STIM1: variants seen among roughly 807,000 people sequenced by gnomAD.
The protein encoded by STIM1 is stromal interaction molecule 1.
Under a neutral mutation model 74.7 loss-of-function variants are expected in STIM1, and 25 were observed. The observed-to-expected ratio is 0.33, with a 90% CI of 0.24 to 0.47. The LOEUF is 0.47. Ranked by LOEUF, STIM1 falls within the 20% of genes least tolerant of loss-of-function variation. The pLI, the probability that STIM1 is intolerant of heterozygous loss-of-function variation, is 1.00. For missense variants in STIM1, 728 were observed against 920.8 expected (o/e 0.79, Z 2.71); for synonymous variants, 328 against 348.8 (o/e 0.94, Z 0.66).
At chr11:3,920,569 C>T (rs117714204) in intron 1 of STIM1, among the ~76,000 whole-genome samples, 1,738 of 152,242 alleles carry the variant, frequency 0.011, 15 homozygotes, top group Middle Eastern at 0.02. Context: ...GTCATTTTCT[C>T]TGTCCCCAAG....
chr11:4,014,784 G>T (rs1453414485), intron 2 of STIM1, among the ~76,000 whole-genome samples: 1 of 152,170 alleles, frequency 6.6e-6, no homozygotes, highest in Admixed American at 6.5e-5. Context: ...TTGTTGAATT[G>T]ATCCCTTTAC....
chr11:3,932,074 A>C (rs1033183640), intron 1 of STIM1, among the ~76,000 whole-genome samples: 9 of 152,078 alleles, frequency 5.9e-5, no homozygotes, highest in Non-Finnish European at 8.8e-5. Context: ...GCCTGCTGCG[A>C]CTGGACTGTA....
In STIM1 at chr11:3,895,736, TTTTCTTTCTTCC is replaced by T; in HGVS notation, c.139+39330_139+39341del. ...TTTCTTTCTTTCTTTCTTTCTTTCT[TTTTCTTTCTTCC>T]TTCCTTCCTTCCTTCCTTCCTTCCT... is the stretch of plus-strand genomic sequence containing the variant. On this transcript the variant is annotated intron_variant, in intron 1 of 12. Transcript: ENST00000526596. 6.3e-5 allele frequency among the ~76,000 whole-genome samples: 2 copies of T among 31,990 alleles called. 1 individual carries two copies. The highest frequency in any genetic ancestry group is 2.4e-3 in the South Asian group (2 of 844). 21.0% of individuals were successfully genotyped at this position (31,990 alleles called of 152,430 possible).
At chr11:3,907,934 T>G (rs11030224) in intron 1 of STIM1, among the ~76,000 whole-genome samples, 67,246 of 152,056 alleles carry the variant, frequency 0.44, 15,172 homozygotes, top group Non-Finnish European at 0.49. Flanking sequence ...TTGGTCAAAT[T>G]TCAACTCAGT....
chr11:3,992,193 G>A (rs1198038767), intron 2 of STIM1, among the ~76,000 whole-genome samples: 3 of 145,638 alleles, frequency 2.1e-5, no homozygotes, highest in Non-Finnish European at 4.5e-5. Flanking sequence ...TGGATTGCCT[G>A]AAGCCAGGAG....
At chr11:4,066,331 T>C (rs570906860) in intron 5 of STIM1, among the ~76,000 whole-genome samples, 1 of 152,208 alleles carries the variant, frequency 6.6e-6, no homozygotes, top group Non-Finnish European at 1.5e-5. Context: ...ATGCTCTTTT[T>C]GTCTCCAGGA....
chr11:4,022,904 G>C (rs1243887133), intron 2 of STIM1, among the ~76,000 whole-genome samples: 1 of 152,208 alleles, frequency 6.6e-6, no homozygotes, highest in Admixed American at 6.5e-5. Flanking sequence ...CCTAGACTTG[G>C]GTGTCGTGCA....
At chr11:4,051,703 G>A (rs1427805337) in intron 3 of STIM1, among the ~76,000 whole-genome samples, 1 of 152,046 alleles carries the variant, frequency 6.6e-6, no homozygotes, top group African/African-American at 2.4e-5. Flanking sequence ...CTAGAGTGCA[G>A]TGGCGTGATC....
chr11:4,078,884 C>G (rs1348701540), intron 7 of STIM1, among the ~76,000 whole-genome samples: 10 of 151,870 alleles, frequency 6.6e-5, no homozygotes, highest in African/African-American at 2.4e-4. Flanking sequence ...ACCCTTTACT[C>G]TTAAAAACTA....
At chr11:4,016,028 T>C (rs1027279672) in intron 2 of STIM1, among the ~76,000 whole-genome samples, 2 of 152,196 alleles carry the variant, frequency 1.3e-5, no homozygotes, top group African/African-American at 2.4e-5. Context: ...TTACCGACCT[T>C]CTGAAGCCTA....
intron 1 of STIM1, among the ~76,000 whole-genome samples, chr11:3,921,490 C>T (rs781528262): frequency 2.4e-4 from 37 of 152,180 alleles, no homozygotes; most frequent in African/African-American, 1.2e-4. Flanking sequence ...TGATATATTA[C>T]GTTGACAACA....
intron 2 of STIM1, among the ~76,000 whole-genome samples, chr11:3,974,546 A>G (rs1205466770): frequency 6.6e-6 from 1 of 151,462 alleles, no homozygotes; most frequent in Non-Finnish European, 1.5e-5. Context: ...ATATTGGCAC[A>G]GAGACCCTAA....
chr11:4,088,820 G>C, intron 12 of STIM1: 3 of 1,397,292 alleles, frequency 2.1e-6, no homozygotes, highest in Middle Eastern at 3.7e-4. Context: ...GTGATTCAGG[G>C]AGGGAAGGTG....
rs1337731129 is a variant in STIM1 at position 4,092,655 on chromosome 11, A to G, written c.*857A>G. The G allele has an allele frequency of 6.6e-6, 1 of 152,152 alleles. No individual in the cohort carries two copies. Among genetic ancestry groups the G allele is most frequent in the Non-Finnish European group, 1.5e-5 (1 of 68,046 alleles). 9.4% of individuals were successfully genotyped at this position (152,152 alleles called of 1,614,324 possible). On this transcript the variant is annotated 3_prime_UTR_variant, in exon 13 of 13. Coordinates refer to ENST00000526596, the MANE Select transcript of STIM1 (RefSeq NM_001382567.1). ...ATCAATACTCCTAGGGCTCAGGACA[A>G]GTGGCTCCCCTGGCCAGGAGAGCCA...
intron 5 of STIM1, among the ~76,000 whole-genome samples, chr11:4,069,764 T>G (rs1425136219): frequency 6.6e-6 from 1 of 152,202 alleles, no homozygotes; most frequent in East Asian, 1.9e-4. Flanking sequence ...CACTGCATCT[T>G]AAGAAAGTGT....
chr11:3,872,850 G>A (rs1228812693), intron 1 of STIM1, among the ~76,000 whole-genome samples: 1 of 151,744 alleles, frequency 6.6e-6, no homozygotes, highest in Non-Finnish European at 1.5e-5. Flanking sequence ...TGTGCCATCT[G>A]GTTTACCATT....
chr11:3,871,064 G>T (rs1165596165), intron 1 of STIM1, among the ~76,000 whole-genome samples: 1 of 151,644 alleles, frequency 6.6e-6, no homozygotes, highest in Non-Finnish European at 1.5e-5. Flanking sequence ...GTAGAGACGG[G>T]GTTTCACCAT....
intron 1 of STIM1, among the ~76,000 whole-genome samples, chr11:3,870,887 T>C (rs2091060749): frequency 6.8e-6 from 1 of 147,602 alleles, no homozygotes; most frequent in Non-Finnish European, 1.5e-5. Flanking sequence ...TTTTTTTTTT[T>C]TTTTGAGATG....
intron 5 of STIM1, among the ~76,000 whole-genome samples, chr11:4,067,752 A>G (rs2094377575): frequency 6.6e-6 from 1 of 152,180 alleles, no homozygotes; most frequent in Non-Finnish European, 1.5e-5. Context: ...GATATGTTTT[A>G]TATTTTCTCT....
Sources: gnomAD v4.1 joint callset for allele counts (sites outside exome capture counted in the v4.1 genomes callset) on GRCh38, gnomAD v4.1.1 for gene constraint, MANE v1.5 for transcripts, NCBI Gene and HGNC (gene_info 2026-07-23, HGNC 2026-07-21) for gene names.